The following PMEPA1 variants were observed in gnomAD, a reference collection of about 807,000 sequenced individuals.
The protein encoded by PMEPA1 is protein TMEPAI.
Under a neutral mutation model 23.0 loss-of-function variants are expected in PMEPA1, and 11 were observed. That is an observed-to-expected ratio of 0.48 (90% CI 0.30 to 0.79). PMEPA1 has a LOEUF of 0.79. PMEPA1 is among the 30% of genes least tolerant of loss of function. The pLI, the probability that PMEPA1 is intolerant of heterozygous loss-of-function variation, is 0.06. For missense variants in PMEPA1, 377 were observed against 390.9 expected (o/e 0.96, Z 0.30); for synonymous variants, 204 against 166.4 (o/e 1.23, Z -1.74).
upstream of PMEPA1, chr20:57,710,359 A>G (rs1400831945): frequency 2.4e-6 from 3 of 1,275,036 alleles, no homozygotes; most frequent in African/African-American, 3.1e-5. Context: ...TCCTTGACCC[A>G]GGCTCTTGGG....
intron 2 of PMEPA1, among the ~76,000 whole-genome samples, chr20:57,657,889 C>G (rs552771883): frequency 1.3e-5 from 2 of 152,194 alleles, no homozygotes; most frequent in Non-Finnish European, 2.9e-5. Context: ...TGGTGAGCCC[C>G]GGCTCAGAGA....
At position 57,667,770 on chromosome 20, in the gene PMEPA1, G is replaced by A. The variant is rs1056174580; in HGVS notation, c.110-8073C>T. Among the ~76,000 whole-genome samples, 12 of 152,150 alleles carry A rather than the reference G, an allele frequency of 7.9e-5. No individual in the cohort carries two copies. The East Asian group carries it at 1.3e-3, about 17-fold the overall frequency. On this transcript the variant is annotated intron_variant, in intron 1 of 3. Coordinates refer to ENST00000341744, the MANE Select transcript of PMEPA1 (RefSeq NM_020182.5). ...CATTGTCATTCTGCAGAGCCCCAGC[G>A]GCCCTGGGGTTCCAGCCACTTCATT...
intron 1 of PMEPA1, among the ~76,000 whole-genome samples, chr20:57,670,120 G>A (rs1441395873): frequency 6.6e-6 from 1 of 151,854 alleles, no homozygotes; most frequent in African/African-American, 2.4e-5. Flanking sequence ...CACGTGCCCT[G>A]GCTGAGGGCC....
At chr20:57,659,770 G>T in intron 1 of PMEPA1, 73 bp from the exon 2 acceptor site, 1 of 1,441,456 alleles carries the variant, frequency 6.9e-7, no homozygotes, top group East Asian at 2.5e-5. Flanking sequence ...CAGCCCTTTT[G>T]AGCTTTTTCA....
intron 1 of PMEPA1, among the ~76,000 whole-genome samples, chr20:57,662,842 T>C (rs2071441371): frequency 6.6e-6 from 1 of 152,168 alleles, no homozygotes; most frequent in Non-Finnish European, 1.5e-5. Flanking sequence ...TGGCTGTTTT[T>C]GTCCCTGTCC....
chr20:57,654,991 C>T (rs894014693), intron 2 of PMEPA1, among the ~76,000 whole-genome samples: 3 of 151,956 alleles, frequency 2.0e-5, no homozygotes, highest in Admixed American at 1.3e-4. Context: ...CTGGGCCCCC[C>T]GCTGCCTCCA....
In PMEPA1 at chr20:57,657,900, C is replaced by T. The variant is rs138222681; in HGVS notation, c.264+1643G>A. Reference sequence around the variant, plus strand: ...CACCTGGTGAGCCCCGGCTCAGAGACGTGCCGCAGCCCCAGGGCTGGCCAC... The same window carrying T: ...CACCTGGTGAGCCCCGGCTCAGAGATGTGCCGCAGCCCCAGGGCTGGCCAC... On this transcript the variant is annotated intron_variant, in intron 2 of 3. Transcript: ENST00000341744. 2.1e-3 allele frequency among the ~76,000 whole-genome samples: 326 copies of T among 152,336 alleles called. 2 individuals are homozygous for T. Among genetic ancestry groups the T allele is most frequent in the Non-Finnish European group, 3.1e-3 (209 of 68,020 alleles).
At chr20:57,670,054 G>A (rs1164898485) in intron 1 of PMEPA1, among the ~76,000 whole-genome samples, 1 of 152,044 alleles carries the variant, frequency 6.6e-6, no homozygotes. Context: ...GACCCTAGGA[G>A]CACAGATACT....
rs1332783119 is a variant in PMEPA1, at chr20:57,649,930, A to T, written c.*2123T>A. ...TCACATAAAGGAAAGATACGTTTTA[A>T]TCATCTTTACAAGTGCGTCCTTGTA... On this transcript the variant is annotated 3_prime_UTR_variant, in exon 4 of 4. Transcript: ENST00000341744. The T allele has an allele frequency of 2.0e-5, 3 of 152,632 alleles. No individual in the cohort carries two copies. The highest frequency in any genetic ancestry group is 7.2e-5 in the African/African-American group (3 of 41,438). 9.5% of individuals were successfully genotyped at this position (152,632 alleles called of 1,614,324 possible).
Position 57,652,730 on chromosome 20 carries a change from G to A in PMEPA1, c.319-132C>T, listed in dbSNP as rs532271927. The A allele has an allele frequency of 4.6e-6, 4 of 871,322 alleles. No homozygotes were observed. Among genetic ancestry groups the A allele is most frequent in the Non-Finnish European group, 5.1e-6 (3 of 585,230 alleles). The allele number at this position is 871,322 out of a possible 1,614,324, so 54.0% of individuals were successfully genotyped here. On this transcript the variant is annotated intron_variant, in intron 3 of 3. Transcript: ENST00000341744. This position sits in a 1 kb window ranked among gnomAD's most constrained non-coding sequence, Gnocchi z 6.1. ...AAAGGGAGAGGGCAGCAGGGCTGGC[G>A]GGGGCGGGAGCCCAGAGCCTGATCC...
In PMEPA1 at chr20:57,704,977, G is replaced by T. The variant is rs1200002273; in HGVS notation, c.109+4497C>A. On this transcript the variant is annotated intron_variant, in intron 1 of 3. Coordinates refer to ENST00000341744, the MANE Select transcript of PMEPA1 (RefSeq NM_020182.5). This position sits in a 1 kb window ranked among gnomAD's most constrained non-coding sequence, Gnocchi z 4.6. ...TCCACCTTCCTTCTTTTATGGAGAG[G>T]GTGCATACCTTCGCACCTCTTACAG... is the stretch of plus-strand genomic sequence containing the variant. 6.6e-6 allele frequency among the ~76,000 whole-genome samples: 1 copy of T among 152,096 alleles called. No homozygotes were observed. The highest frequency in any genetic ancestry group is 1.5e-5 in the Non-Finnish European group (1 of 68,028).
chr20:57,686,298 G>A (rs1463438245), intron 1 of PMEPA1, among the ~76,000 whole-genome samples: 2 of 152,182 alleles, frequency 1.3e-5, no homozygotes, highest in Non-Finnish European at 2.9e-5. Context: ...TCACTCCAGC[G>A]ACCTTTCTCT....
rs149050359 is a variant in PMEPA1 at position 57,665,900 on chromosome 20, G to C, written c.110-6203C>G. 7.7e-3 allele frequency among the ~76,000 whole-genome samples: 1,173 copies of C among 152,334 alleles called. 15 individuals carry two copies. The highest frequency in any genetic ancestry group is 0.027 in the African/African-American group (1,115 of 41,568). On this transcript the variant is annotated intron_variant, in intron 1 of 3. Transcript: ENST00000341744. The stretch of plus-strand genomic sequence containing the variant: ...TTGAACTTGACTCTGAGGCCCTTGC[G>C]GGGAGGCACCTTTCTCTCCCCCAAG...
chr20:57,684,207 G>A (rs1203482873), intron 1 of PMEPA1, among the ~76,000 whole-genome samples: 7 of 151,282 alleles, frequency 4.6e-5, no homozygotes, highest in African/African-American at 1.5e-4. Flanking sequence ...TGCGGGAGGG[G>A]AGGCGGGTGG....
At chr20:57,694,512 T>A (rs1328696888) in intron 1 of PMEPA1, among the ~76,000 whole-genome samples, 2 of 152,340 alleles carry the variant, frequency 1.3e-5, no homozygotes, top group Non-Finnish European at 2.9e-5. Context: ...TGTGCTACCG[T>A]TTGCTTCGGG....
At chr20:57,671,355 G>A (rs1458620646) in intron 1 of PMEPA1, among the ~76,000 whole-genome samples, 2 of 152,266 alleles carry the variant, frequency 1.3e-5, no homozygotes, top group Non-Finnish European at 2.9e-5. Flanking sequence ...AATGGGGAAC[G>A]GGTGGGCGTG....
At chr20:57,710,696 C>T (rs554972562), upstream of PMEPA1, 227 of 475,624 alleles carry the variant, frequency 4.8e-4, no homozygotes, top group East Asian at 7.4e-3. Context: ...TTGTCTGCTG[C>T]CCAAGGGGCC....
At chr20:57,664,348 C>T (rs565643482) in intron 1 of PMEPA1, among the ~76,000 whole-genome samples, 8 of 152,190 alleles carry the variant, frequency 5.3e-5, no homozygotes, top group African/African-American at 9.7e-5. Context: ...CCACTCAGGC[C>T]GAGTTCATCA....
chr20:57,698,921 G>A (rs534496429), intron 1 of PMEPA1, among the ~76,000 whole-genome samples: 1 of 152,298 alleles, frequency 6.6e-6, no homozygotes, highest in South Asian at 2.1e-4. Flanking sequence ...TTCTCTGGGA[G>A]TCTGAAGCAC....
Sources: gnomAD v4.1 joint callset for allele counts (sites outside exome capture counted in the v4.1 genomes callset) on GRCh38, gnomAD v4.1.1 for gene constraint, Gnocchi (gnomAD v3.1) non-coding constraint, MANE v1.5 for transcripts, NCBI Gene and HGNC (gene_info 2026-07-23, HGNC 2026-07-21) for gene names.